The following DPP10 variants were observed in gnomAD, a reference collection of about 807,000 sequenced individuals.
DPP10 encodes the protein inactive dipeptidyl peptidase 10.
Under a neutral mutation model 120.9 loss-of-function variants are expected in DPP10, and 33 were observed. The ratio of observed to expected loss-of-function variants is 0.27; its 90% CI spans 0.21 to 0.37. The LOEUF (loss-of-function observed/expected upper bound fraction) is 0.37. DPP10 is among the 10% of genes least tolerant of loss of function. The probability of loss-of-function intolerance (pLI) is 1.00; values close to 1 mark genes in which losing one functional copy is unlikely to be tolerated. For synonymous variants in DPP10, 337 were observed against 326.1 expected (o/e 1.03, Z -0.36); for missense variants, 816 against 942.8 (o/e 0.87, Z 1.76).
chr2:115,339,107 A>C (rs1005318678), intron 2 of DPP10, among the ~76,000 whole-genome samples: 3 of 152,196 alleles, frequency 2.0e-5, no homozygotes, highest in Non-Finnish European at 4.4e-5. Flanking sequence ...ATGCAGCATT[A>C]AACAAACACA....
At chr2:115,618,164 A>C (rs1253082260) in intron 5 of DPP10, among the ~76,000 whole-genome samples, 1 of 152,212 alleles carries the variant, frequency 6.6e-6, no homozygotes, top group Non-Finnish European at 1.5e-5. Context: ...TCTCCTGATG[A>C]GTTAGGGTTG....
intron 5 of DPP10, among the ~76,000 whole-genome samples, chr2:115,588,780 A>G (rs1030654423): frequency 6.6e-6 from 1 of 152,208 alleles, no homozygotes; most frequent in African/African-American, 2.4e-5. Flanking sequence ...GAACAAATGA[A>G]TGAATTAAAG....
chr2:115,267,324 A>T (rs901522300), intron 1 of DPP10, among the ~76,000 whole-genome samples: 10 of 152,212 alleles, frequency 6.6e-5, no homozygotes, highest in African/African-American at 2.4e-4. Flanking sequence ...TATGTATCAA[A>T]TAGTAAGTGC....
At chr2:114,990,337 A>T (rs1700683805) in intron 1 of DPP10, among the ~76,000 whole-genome samples, 1 of 152,144 alleles carries the variant, frequency 6.6e-6, no homozygotes. Context: ...TTAAAATCCA[A>T]ATTGAAATGT....
intron 1 of DPP10, among the ~76,000 whole-genome samples, chr2:114,654,523 G>A (rs1297486633): frequency 1.3e-5 from 2 of 152,138 alleles, no homozygotes; most frequent in African/African-American, 4.8e-5. Context: ...ATCCCCAAGT[G>A]TTCTAGCAGA....
intron 3 of DPP10, among the ~76,000 whole-genome samples, chr2:115,441,308 C>G (rs1184171481): frequency 6.6e-6 from 1 of 152,178 alleles, no homozygotes; most frequent in Non-Finnish European, 1.5e-5. Flanking sequence ...CCTAGACTTG[C>G]AGCTGGAGTT....
At chr2:114,543,088 T>A (rs1687079126) in intron 1 of DPP10, among the ~76,000 whole-genome samples, 1 of 152,232 alleles carries the variant, frequency 6.6e-6, no homozygotes, top group South Asian at 2.1e-4. Flanking sequence ...TTCCATTTCC[T>A]GACCAATACG....
chr2:115,038,286 T>A (rs1031808792), intron 1 of DPP10, among the ~76,000 whole-genome samples: 21 of 142,650 alleles, frequency 1.5e-4, no homozygotes, highest in Admixed American at 9.0e-4. Flanking sequence ...TTATTTATTT[T>A]TTGAGATGGA....
intron 5 of DPP10, among the ~76,000 whole-genome samples, chr2:115,663,667 A>G (rs1237938601): frequency 7.2e-5 from 11 of 152,148 alleles, no homozygotes; most frequent in Admixed American, 5.9e-4. Flanking sequence ...AGAACAAATC[A>G]CACAATCATA....
chr2:114,639,192 A>G (rs778957432), intron 1 of DPP10, among the ~76,000 whole-genome samples: 5 of 151,936 alleles, frequency 3.3e-5, no homozygotes, highest in African/African-American at 4.9e-5. Flanking sequence ...TCATAGCTGA[A>G]GGTGAATGAG....
intron 1 of DPP10, among the ~76,000 whole-genome samples, chr2:114,999,947 T>A (rs1701332105): frequency 6.6e-6 from 1 of 152,192 alleles, no homozygotes; most frequent in African/African-American, 2.4e-5. Flanking sequence ...TCATTCCACT[T>A]TTCCCTGAGG....
chr2:115,765,617 G>A (rs1163111910), intron 12 of DPP10, among the ~76,000 whole-genome samples: 1 of 152,038 alleles, frequency 6.6e-6, no homozygotes, highest in Non-Finnish European at 1.5e-5. Context: ...GGGAAATCTT[G>A]GAAATTCTTT....
chr2:114,873,647 C>T (rs992997189), intron 1 of DPP10, among the ~76,000 whole-genome samples: 2 of 152,012 alleles, frequency 1.3e-5, no homozygotes, highest in African/African-American at 4.8e-5. Flanking sequence ...CGCACTGTGT[C>T]CTTCATAGAG....
chr2:115,663,350 A>G (rs1031829264), intron 5 of DPP10, among the ~76,000 whole-genome samples: 41 of 152,152 alleles, frequency 2.7e-4, no homozygotes, highest in African/African-American at 9.9e-4. Context: ...AAATGTCACT[A>G]CTGTTCTTGT....
chr2:114,756,822 A>G lies in DPP10; in HGVS notation c.60+313984A>G, dbSNP rs914114683. Reference sequence around the variant, plus strand: ...TCTGAGTAAATTTACTCAAAGAACCAGTTCAAATATTACCTCTAAAATGAA... The same window carrying G: ...TCTGAGTAAATTTACTCAAAGAACCGGTTCAAATATTACCTCTAAAATGAA... On this transcript the variant is annotated intron_variant, in intron 1 of 25. Coordinates refer to ENST00000410059, the MANE Select transcript of DPP10 (RefSeq NM_020868.6). Among the ~76,000 whole-genome samples the G allele has an allele frequency of 7.9e-5, 12 of 152,128 alleles. 1 individual carries two copies. The South Asian group carries it at 1.0e-3, about 13-fold the overall frequency.
intron 1 of DPP10, among the ~76,000 whole-genome samples, chr2:114,632,713 C>T (rs1336019432): frequency 6.6e-5 from 10 of 151,840 alleles, no homozygotes; most frequent in Admixed American, 2.0e-4. Flanking sequence ...AGAGTTTCAC[C>T]GTGTTAGCCA....
chr2:115,131,338 G>T (rs1327678711), intron 1 of DPP10, among the ~76,000 whole-genome samples: 1 of 152,092 alleles, frequency 6.6e-6, no homozygotes, highest in Non-Finnish European at 1.5e-5. Context: ...AAAATGGCGA[G>T]ACCCTGTCTC....
intron 3 of DPP10, among the ~76,000 whole-genome samples, chr2:115,495,452 A>G (rs1235265299): frequency 1.3e-5 from 2 of 151,884 alleles, no homozygotes; most frequent in African/African-American, 4.8e-5. Context: ...CAGTAAAATA[A>G]TGTGAATGTA....
intron 1 of DPP10, among the ~76,000 whole-genome samples, chr2:114,704,327 T>C (rs1700560400): frequency 6.6e-6 from 1 of 151,956 alleles, no homozygotes; most frequent in African/African-American, 2.4e-5. Context: ...AGTCTGATAG[T>C]GAAGTAAGGA....
Sources: gnomAD v4.1 joint callset for allele counts (sites outside exome capture counted in the v4.1 genomes callset) on GRCh38, gnomAD v4.1.1 for gene constraint, MANE v1.5 for transcripts, NCBI Gene and HGNC (gene_info 2026-07-23, HGNC 2026-07-21) for gene names.